The following LRCH4 variants were observed in gnomAD, a reference collection of about 807,000 sequenced individuals.
LRCH4 encodes leucine rich repeats and calponin homology domain containing 4.
A neutral mutation model predicts 81.2 loss-of-function variants in LRCH4; 56 were observed. The ratio of observed to expected loss-of-function variants is 0.69; its 90% CI spans 0.56 to 0.86. The LOEUF (loss-of-function observed/expected upper bound fraction) is 0.86, where lower values mean the gene tolerates loss of function less well. Ranked by LOEUF, LRCH4 falls within the 40% of genes least tolerant of loss-of-function variation. The probability of loss-of-function intolerance (pLI) is 0.00; values close to 1 mark genes in which losing one functional copy is unlikely to be tolerated. For synonymous variants in LRCH4, 442 were observed against 409.7 expected (o/e 1.08, Z -0.95); for missense variants, 895 against 922.8 (o/e 0.97, Z 0.39).
At position 100,577,832 on chromosome 7, in the gene LRCH4, C is replaced by A; in HGVS notation, c.1029G>T (p.Glu343Asp). Residue 343 changes from glutamate (E) to aspartate (D), a missense_variant, in exon 8 of 18, where the codon GAG (glutamate) becomes GAT (aspartate). Transcript: ENST00000310300. The surrounding 1 kb of genome is among the most constrained non-coding windows in gnomAD (Gnocchi z 6.7). Reference sequence around the variant, plus strand: ...AGCCCTGCTACTCACCTGAGCCATCCTCCTTGCGTTCTCTGGGTCCCCGGG... The same window carrying A: ...AGCCCTGCTACTCACCTGAGCCATCATCCTTGCGTTCTCTGGGTCCCCGGG... ...REPRGPRERK[E>D]DGSADGDPVQ... 2.5e-6 allele frequency: 4 copies of A among 1,613,060 alleles called. No individual in the cohort carries two copies. The highest frequency in any genetic ancestry group is 2.5e-6 in the Non-Finnish European group (3 of 1,179,128).
In LRCH4 at chr7:100,578,922, TC is replaced by T; in HGVS notation, c.599-137del. 2.3e-6 allele frequency: 2 copies of T among 870,236 alleles called. No homozygotes were observed. The highest frequency in any genetic ancestry group is 1.8e-6 in the Non-Finnish European group (1 of 571,108). 53.9% of individuals were successfully genotyped at this position (870,236 alleles called of 1,614,324 possible). On this transcript the variant is annotated intron_variant, in intron 4 of 17. Coordinates refer to ENST00000310300, the MANE Select transcript of LRCH4 (RefSeq NM_002319.5). This position sits in a 1 kb window ranked among gnomAD's most constrained non-coding sequence, Gnocchi z 5.7. The stretch of plus-strand genomic sequence containing the variant: ...CTCTCCCCTGGGTGGCTCAAGTCAT[TC>T]CCCGGGAGAAACCTCCCTGCTCCTC...
In LRCH4 at chr7:100,576,901, C is replaced by T; in HGVS notation, c.1468+1G>A. ...TCCTCCTCCCAAAATCCCTGTCCCA[C>T]CTGGTCCAGCTATGGGAAGGGGCTC... On this transcript the variant is annotated splice_donor_variant, in intron 13 of 17. Coordinates refer to ENST00000310300, the MANE Select transcript of LRCH4 (RefSeq NM_002319.5). LOFTEE classifies it high-confidence loss of function. 1 of 1,550,634 alleles carries T rather than the reference C, an allele frequency of 6.4e-7. No individual in the cohort carries two copies. The highest frequency in any genetic ancestry group is 8.7e-7 in the Non-Finnish European group (1 of 1,144,378).
In LRCH4 at chr7:100,578,790, G is replaced by A; in HGVS notation, c.599-4C>T. On this transcript the variant is annotated splice_polypyrimidine_tract_variant and splice_region_variant and intron_variant, in intron 4 of 17. Transcript: ENST00000310300. The surrounding 1 kb of genome is among the most constrained non-coding windows in gnomAD (Gnocchi z 5.7). ...ACCAGAGGGAGGTCCCCCAGCTCTG[G>A]AACAGGTGGGCAAGGGAAAAGTCAG... 3 of 1,612,622 alleles carry A rather than the reference G, an allele frequency of 1.9e-6. No individual in the cohort carries two copies. Among genetic ancestry groups the A allele is most frequent in the Non-Finnish European group, 2.5e-6 (3 of 1,179,674 alleles).
chr7:100,575,555 A>G lies in LRCH4; in HGVS notation c.1854+150T>C. On this transcript the variant is annotated intron_variant, in intron 17 of 17. Transcript: ENST00000310300. This position sits in a 1 kb window ranked among gnomAD's most constrained non-coding sequence, Gnocchi z 5.3. ...ACAGGTGACATGCAGGGCAGGGGGC[A>G]TGCAGGGCAGGGGGCATGCTGGGCA... 1 of 995,888 alleles carries G rather than the reference A, an allele frequency of 1.0e-6. No individual in the cohort carries two copies. The highest frequency in any genetic ancestry group is 2.4e-5 in the East Asian group (1 of 42,104). 61.7% of individuals were successfully genotyped at this position (995,888 alleles called of 1,614,324 possible).
chr7:100,580,962 G>C (rs994958893), intron 4 of LRCH4: 14 of 152,354 alleles, frequency 9.2e-5, no homozygotes, highest in African/African-American at 3.4e-4. Context: ...TGAACAAAAG[G>C]CATGCCTGCT....
chr7:100,578,842 G>GCT lies in LRCH4; in HGVS notation c.599-58_599-57dup. On this transcript the variant is annotated intron_variant, in intron 4 of 17. Coordinates refer to ENST00000310300, the MANE Select transcript of LRCH4 (RefSeq NM_002319.5). The surrounding 1 kb of genome is among the most constrained non-coding windows in gnomAD (Gnocchi z 5.7). The stretch of plus-strand genomic sequence containing the variant: ...AACATGCTCAGGGCTGTGGCCTCGT[G>GCT]CTCACTCCCTCACCCTTGGCTCCAG... 6.3e-7 allele frequency: 1 copy of GCT among 1,579,034 alleles called. No homozygotes were observed. The highest frequency in any genetic ancestry group is 8.6e-7 in the Non-Finnish European group (1 of 1,160,308).
At chr7:100,580,200 C>G (rs1801484124) in intron 4 of LRCH4, 1 of 152,230 alleles carries the variant, frequency 6.6e-6, no homozygotes. Context: ...TCCCACTGCG[C>G]CTGCGCCTCC....
intron 4 of LRCH4, chr7:100,580,282 C>A (rs1236974281): frequency 6.6e-6 from 1 of 152,184 alleles, no homozygotes; most frequent in African/African-American, 2.4e-5. Context: ...TGGGGAACCC[C>A]CTGACGGAAC....
rs537780084 is a variant in LRCH4, at chr7:100,574,630, G to GCACACACACACACACACA, written c.*476_*477insTGTGTGTGTGTGTGTGTG. 66 of 139,972 alleles carry GCACACACACACACACACA rather than the reference G, an allele frequency of 4.7e-4. No homozygotes were observed. The highest frequency in any genetic ancestry group is 3.6e-3 in the Middle Eastern group (1 of 276). The allele number at this position is 139,972 out of a possible 1,614,324, so 8.7% of individuals were successfully genotyped here. ...ACACGCGGAGCAGACGCGCGCGCGCGCGCACACACACACACACAGGCAGGG... is the reference window on the plus strand; with the variant it reads ...ACACGCGGAGCAGACGCGCGCGCGCGCACACACACACACACACACGCACACACACACACACAGGCAGGG... On this transcript the variant is annotated 3_prime_UTR_variant, in exon 18 of 18. Transcript: ENST00000310300.
At position 100,576,680 on chromosome 7, in the gene LRCH4, G is replaced by A. The variant is rs1397083754; in HGVS notation, c.1552+14C>T. 6.3e-7 allele frequency: 1 copy of A among 1,577,854 alleles called. No individual in the cohort carries two copies. On this transcript the variant is annotated intron_variant, in intron 14 of 17. Transcript: ENST00000310300. ...CAAGCACTGGGTCAGCACTGGGGAG[G>A]GCAGGACACCCACCTGAGCCACTCT... is the stretch of plus-strand genomic sequence containing the variant.
In LRCH4 at chr7:100,583,901, C is replaced by G; in HGVS notation, c.221-1442G>C. The G allele has an allele frequency of 3.4e-6, 1 of 293,480 alleles. No homozygotes were observed. Among genetic ancestry groups the G allele is most frequent in the Non-Finnish European group, 6.9e-6 (1 of 144,118 alleles). The allele number at this position is 293,480 out of a possible 1,614,324, so 18.2% of individuals were successfully genotyped here. A position where few individuals can be genotyped will look rare whatever the true frequency, so the allele number is the denominator to read the frequency against. ...GGGTAGGCGGTGGCGGGGACAAAAG[C>G]TAGGAGCGGAAGGGAGCTCAGGCAG... On this transcript the variant is annotated intron_variant, in intron 1 of 17. Transcript: ENST00000310300. The surrounding 1 kb of genome is among the most constrained non-coding windows in gnomAD (Gnocchi z 4.3).
chr7:100,578,509 G>C lies in LRCH4; in HGVS notation c.738C>G (p.Val246=), dbSNP rs1801440721. ...SNPLQSPPAQ[V]CLKGKLHIFK... is the part of the protein sequence containing the mutation. ...AGATGTGAAGTTTCCCCTTCAGGCA[G>C]ACCTGTGTGCGGGGCAGCACACGCC... is the stretch of plus-strand genomic sequence containing the variant. The change falls in exon 6 of 18, where the codon GTC becomes GTG. Residue 246 remains valine (V), a splice_region_variant and synonymous_variant. Coordinates refer to ENST00000310300, the MANE Select transcript of LRCH4 (RefSeq NM_002319.5). The surrounding 1 kb of genome is among the most constrained non-coding windows in gnomAD (Gnocchi z 5.7). 6.2e-7 allele frequency: 1 copy of C among 1,613,426 alleles called. No homozygotes were observed. The highest frequency in any genetic ancestry group is 8.5e-7 in the Non-Finnish European group (1 of 1,179,572).
intron 1 of LRCH4, chr7:100,585,257 T>C (rs927182951): frequency 1.8e-5 from 3 of 163,294 alleles, no homozygotes; most frequent in African/African-American, 7.2e-5. Context: ...GAATCTCAGA[T>C]AAGCCGGTTG....
At position 100,575,399 on chromosome 7, in the gene LRCH4, G is replaced by T; in HGVS notation, c.1855-95C>A. 8.4e-7 allele frequency: 1 copy of T among 1,190,390 alleles called. No individual in the cohort carries two copies. Among genetic ancestry groups the T allele is most frequent in the South Asian group, 1.4e-5 (1 of 71,906 alleles). The allele number at this position is 1,190,390 out of a possible 1,614,324, so 73.7% of individuals were successfully genotyped here. On this transcript the variant is annotated intron_variant, in intron 17 of 17. Transcript: ENST00000310300. This position sits in a 1 kb window ranked among gnomAD's most constrained non-coding sequence, Gnocchi z 5.3. ...CCCACCCCTGCCCTCACGTGCTGGG[G>T]CCAGAACCACGCCCACATGCTGACG...
chr7:100,581,374 G>C (rs1289898017), intron 4 of LRCH4, among the ~76,000 whole-genome samples: 2 of 152,204 alleles, frequency 1.3e-5, no homozygotes, highest in Non-Finnish European at 2.9e-5. Flanking sequence ...CACATACACT[G>C]TTATGGACTG....
rs1173253233 is a variant in LRCH4 at position 100,575,741 on chromosome 7, A to G, written c.1818T>C (p.Ser606=). ...CCATTTTTCGACAGGCTTCTAGAAAACTCTCCACATTCTTCCGAGCCTTGA... is the reference window on the plus strand; with the variant it reads ...CCATTTTTCGACAGGCTTCTAGAAAGCTCTCCACATTCTTCCGAGCCTTGA... The part of the protein sequence containing the change: ...SALKARKNVE[S]FLEACRKMGV... Residue 606 remains serine (S), a synonymous_variant, in exon 17 of 18, where the codon AGT becomes AGC. Transcript: ENST00000310300. The surrounding 1 kb of genome is among the most constrained non-coding windows in gnomAD (Gnocchi z 5.3). 1 of 1,611,544 alleles carries G rather than the reference A, an allele frequency of 6.2e-7. No homozygotes were observed. The highest frequency in any genetic ancestry group is 1.3e-5 in the African/African-American group (1 of 74,332).
chr7:100,575,785 G>A lies in LRCH4; in HGVS notation c.1777-3C>T. 6.2e-7 allele frequency: 1 copy of A among 1,607,958 alleles called. No homozygotes were observed. Among genetic ancestry groups the A allele is most frequent in the Non-Finnish European group, 8.5e-7 (1 of 1,175,380 alleles). ...GCCTTGAGGGCACTGAGTTTTGGCT[G>A]GGGTGGGTGAAAGAAGAAAATGTGG... On this transcript the variant is annotated splice_polypyrimidine_tract_variant and splice_region_variant and intron_variant, in intron 16 of 17. Transcript: ENST00000310300. The surrounding 1 kb of genome is among the most constrained non-coding windows in gnomAD (Gnocchi z 5.3).
chr7:100,576,261 C>T lies in LRCH4; in HGVS notation c.1615G>A (p.Asp539Asn), dbSNP rs372379699. The change falls in exon 15 of 18, where the codon GAC becomes AAC. Residue 539 changes from aspartate to asparagine, a missense_variant. Transcript: ENST00000310300. Reference sequence around the variant, plus strand: ...ACCTGGCGCAGCTGAGTCATTAAGTCCTTCTCATCTGGAACCTGGGGGTAC... The same window carrying T: ...ACCTGGCGCAGCTGAGTCATTAAGTTCTTCTCATCTGGAACCTGGGGGTAC... ...RRYPQVPDEKDLMTQLRQVLE... is the reference protein window; with the variant it reads ...RRYPQVPDEKNLMTQLRQVLE... 6.8e-6 allele frequency: 11 copies of T among 1,614,094 alleles called. No individual in the cohort carries two copies. Among genetic ancestry groups the T allele is most frequent in the South Asian group, 3.3e-5 (3 of 91,070 alleles).
At position 100,576,320 on chromosome 7, in the gene LRCH4, G is replaced by T. The variant is rs200696855; in HGVS notation, c.1556C>A (p.Pro519His). 1.2e-6 allele frequency: 2 copies of T among 1,613,578 alleles called. No homozygotes were observed. The highest frequency in any genetic ancestry group is 1.7e-6 in the Non-Finnish European group (2 of 1,179,590). ...FRSSSQSGSGPSSPDSVLRPR... is the reference protein window; with the variant it reads ...FRSSSQSGSGHSSPDSVLRPR... ...TCTCAGGACAGAGTCTGGTGAGGAA[G>T]GGCCTAGGAGAAAAAGGGGGGCATG... The change falls in exon 15 of 18, where the codon CCT (proline) becomes CAT (histidine). Residue 519 changes from proline to histidine, a missense_variant. By Grantham distance (77) the Pro-to-His change is moderately conservative. This residue lies in a region of LRCH4 where 529 missense variants were observed against 504.9 expected (regional missense o/e 1.05). Transcript: ENST00000310300.
Sources: gnomAD v4.1 joint callset for allele counts (sites outside exome capture counted in the v4.1 genomes callset) on GRCh38, gnomAD v4.1.1 for gene constraint, gnomAD v4.1.1 regional missense constraint, Gnocchi (gnomAD v3.1) non-coding constraint, MANE v1.5 for transcripts, NCBI Gene and HGNC (gene_info 2026-07-23, HGNC 2026-07-21) for gene names.